The following NUFIP1 variants were observed in gnomAD, a reference collection of about 807,000 sequenced individuals.
NUFIP1 encodes the protein FMR1-interacting protein NUFIP1.
Under a neutral mutation model 56.2 loss-of-function variants are expected in NUFIP1, and 38 were observed. That is an observed-to-expected ratio of 0.68 (90% CI 0.52 to 0.89). The LOEUF (loss-of-function observed/expected upper bound fraction) is 0.89, where lower values mean the gene tolerates loss of function less well. NUFIP1 is among the 40% of genes least tolerant of loss of function. The probability of loss-of-function intolerance (pLI) is 0.00; values close to 1 mark genes in which losing one functional copy is unlikely to be tolerated. For missense variants in NUFIP1, 567 were observed against 605.8 expected (o/e 0.94, Z 0.67); for synonymous variants, 215 against 212.4 (o/e 1.01, Z -0.10).
chr13:44,966,341 G>C (rs1359266689), intron 5 of NUFIP1, among the ~76,000 whole-genome samples: 2 of 151,988 alleles, frequency 1.3e-5, no homozygotes, highest in Non-Finnish European at 2.9e-5. Flanking sequence ...TTGAGTCGGA[G>C]TCTCGTTCTG....
At chr13:44,943,351 AACACACAC>A (rs36045762) in intron 9 of NUFIP1, 83 bp downstream of exon 9, 11 of 938,548 alleles carry the variant, frequency 1.2e-5, no homozygotes, top group African/African-American at 1.7e-5. Context: ...CCTTAAAACA[AACACACAC>A]ACACACACAC....
At chr13:44,965,525 C>T (rs1375265612) in intron 6 of NUFIP1, among the ~76,000 whole-genome samples, 5 of 152,096 alleles carry the variant, frequency 3.3e-5, no homozygotes, top group African/African-American at 1.2e-4. Context: ...GAAACCCCAT[C>T]TCCACTAAAA....
chr13:44,959,246 A>G (rs566983408), intron 7 of NUFIP1, 135 bp downstream of exon 7: 4 of 830,380 alleles, frequency 4.8e-6, no homozygotes, highest in Admixed American at 6.5e-5. Flanking sequence ...GCTCCTATTA[A>G]AAACAAAAAC....
chr13:44,967,038 A>C (rs1313515014), intron 5 of NUFIP1, among the ~76,000 whole-genome samples: 1 of 151,990 alleles, frequency 6.6e-6, no homozygotes, highest in Non-Finnish European at 1.5e-5. Context: ...CAGGAAGATA[A>C]GAAAAGCACA....
chr13:44,963,822 C>T (rs1871505110), intron 6 of NUFIP1, among the ~76,000 whole-genome samples: 1 of 152,134 alleles, frequency 6.6e-6, no homozygotes, highest in South Asian at 2.1e-4. Context: ...TTTCACTTTA[C>T]ATATTTTAAA....
Position 44,949,232 on chromosome 13 carries a change from C to T in NUFIP1, c.1138+490G>A, listed in dbSNP as rs1330533317. Among the ~76,000 whole-genome samples, 55 of 109,908 alleles carry T rather than the reference C, an allele frequency of 5.0e-4. No individual in the cohort carries two copies. In the East Asian group the frequency reaches 0.015, roughly 29 times the overall value. 72.1% of individuals were successfully genotyped at this position (109,908 alleles called of 152,430 possible). The stretch of plus-strand genomic sequence containing the variant: ...TTTTTTTTTTTTTGAGACGGAGTCT[C>T]GCTCTGTCGCCCAGGCTGGAGTGCA... On this transcript the variant is annotated intron_variant, in intron 8 of 9. Coordinates refer to ENST00000379161, the MANE Select transcript of NUFIP1 (RefSeq NM_012345.3).
chr13:44,949,025 CTT>C (rs1232199164), intron 8 of NUFIP1, among the ~76,000 whole-genome samples: 1 of 152,122 alleles, frequency 6.6e-6, no homozygotes, highest in African/African-American at 2.4e-5. Context: ...GTATCACACT[CTT>C]TGTCATAAAA....
chr13:44,982,156 T>C lies in NUFIP1; in HGVS notation c.413-2A>G, dbSNP rs769211519. The C allele has an allele frequency of 2.6e-6, 3 of 1,144,484 alleles. No individual in the cohort carries two copies. The highest frequency in any genetic ancestry group is 3.5e-6 in the Non-Finnish European group (3 of 855,864). The allele number at this position is 1,144,484 out of a possible 1,614,324, so 70.9% of individuals were successfully genotyped here. Reference sequence around the variant, plus strand: ...TTCGTGGATAATAAGAATTTTTAACTAAAAAAAAAAAGATCCATAAATGTT... The same window carrying C: ...TTCGTGGATAATAAGAATTTTTAACCAAAAAAAAAAAGATCCATAAATGTT... On this transcript the variant is annotated splice_acceptor_variant, in intron 1 of 9. Coordinates refer to ENST00000379161, the MANE Select transcript of NUFIP1 (RefSeq NM_012345.3). LOFTEE classifies it high-confidence loss of function.
intron 5 of NUFIP1, among the ~76,000 whole-genome samples, chr13:44,978,130 C>A (rs1260107522): frequency 6.6e-6 from 1 of 152,168 alleles, no homozygotes; most frequent in East Asian, 1.9e-4. Context: ...GATACACTTT[C>A]GTTGAATTAT....
At chr13:44,967,811 G>A (rs985551852) in intron 5 of NUFIP1, among the ~76,000 whole-genome samples, 6 of 152,094 alleles carry the variant, frequency 3.9e-5, no homozygotes, top group Non-Finnish European at 7.4e-5. Context: ...TTCAGGAAGA[G>A]GGCAATAGAT....
intron 5 of NUFIP1, 52 bp downstream of exon 5, chr13:44,979,138 T>C (rs1872091339): frequency 4.3e-6 from 6 of 1,380,706 alleles, no homozygotes; most frequent in Admixed American, 3.8e-5. Flanking sequence ...ACTACATTAA[T>C]AAGCCTTGTC....
chr13:44,973,459 A>C (rs1405657478), intron 5 of NUFIP1, among the ~76,000 whole-genome samples: 1 of 152,250 alleles, frequency 6.6e-6, no homozygotes, highest in Non-Finnish European at 1.5e-5. Context: ...TGTGTGTACC[A>C]AAACAGAATT....
intron 7 of NUFIP1, among the ~76,000 whole-genome samples, chr13:44,956,310 C>G (rs1010948417): frequency 6.6e-6 from 1 of 151,850 alleles, no homozygotes; most frequent in Non-Finnish European, 1.5e-5. Context: ...GCTATACCTG[C>G]AGTGAAAAGT....
chr13:44,941,193 A>G lies in NUFIP1; in HGVS notation c.*13T>C. 7.4e-7 allele frequency: 1 copy of G among 1,348,110 alleles called. No homozygotes were observed. The highest frequency in any genetic ancestry group is 1.1e-6 in the Non-Finnish European group (1 of 949,328). The allele number at this position is 1,348,110 out of a possible 1,614,324, so 83.5% of individuals were successfully genotyped here. A position where few individuals can be genotyped will look rare whatever the true frequency, so the allele number is the denominator to read the frequency against. On this transcript the variant is annotated 3_prime_UTR_variant, in exon 10 of 10. Coordinates refer to ENST00000379161, the MANE Select transcript of NUFIP1 (RefSeq NM_012345.3). ...TCACATGCTTCAGTTATGTATGCTG[A>G]AACACCAGATGCCTATACATCTTTA...
intron 6 of NUFIP1, among the ~76,000 whole-genome samples, chr13:44,961,806 A>G (rs1303914419): frequency 6.6e-6 from 1 of 152,200 alleles, no homozygotes; most frequent in Non-Finnish European, 1.5e-5. Flanking sequence ...TTTCTCTTAC[A>G]GCATCTGACC....
At chr13:44,956,845 C>T (rs1357935651) in intron 7 of NUFIP1, among the ~76,000 whole-genome samples, 1 of 151,998 alleles carries the variant, frequency 6.6e-6, no homozygotes, top group Non-Finnish European at 1.5e-5. Flanking sequence ...AGGAACTGTA[C>T]CAGGTACCAG....
intron 5 of NUFIP1, among the ~76,000 whole-genome samples, chr13:44,970,585 T>C (rs577651658): frequency 5.3e-5 from 8 of 152,368 alleles, no homozygotes; most frequent in Non-Finnish European, 1.2e-4. Flanking sequence ...AATGTGGAAC[T>C]TACTCTTTTT....
chr13:44,941,408 T>C, intron 9 of NUFIP1, 86 bp from the exon 10 acceptor site: 1 of 719,618 alleles, frequency 1.4e-6, no homozygotes. Flanking sequence ...ACCCTCACCA[T>C]ATAAAGAAGA....
chr13:44,965,991 A>G, intron 5 of NUFIP1, 55 bp from the exon 6 acceptor site: 1 of 983,478 alleles, frequency 1.0e-6, no homozygotes, highest in Non-Finnish European at 1.4e-6. Context: ...AATTTTAAAT[A>G]AGCAATCAAG....
Sources: gnomAD v4.1 joint callset for allele counts (sites outside exome capture counted in the v4.1 genomes callset) on GRCh38, gnomAD v4.1.1 for gene constraint, MANE v1.5 for transcripts, NCBI Gene and HGNC (gene_info 2026-07-23, HGNC 2026-07-21) for gene names.